Variants in FBN2 observed in about 807,000 individuals in gnomAD.
FBN2 encodes fibrillin-2.
Under a neutral mutation model 355.6 loss-of-function variants are expected in FBN2, and 105 were observed. The ratio of observed to expected loss-of-function variants is 0.30; its 90% CI spans 0.25 to 0.35. FBN2 has a LOEUF of 0.35. Among genes scored for constraint, FBN2 ranks in the 10% least tolerant of loss-of-function variants. The pLI is 1.00. For missense variants in FBN2, 3,280 were observed against 3,758.7 expected (o/e 0.87, Z 3.33); for synonymous variants, 1,350 against 1,301.2 (o/e 1.04, Z -0.81).
At chr5:128,335,336 C>CT in intron 29 of FBN2, 41 bp from the exon 30 acceptor site, 1 of 1,613,486 alleles carries the variant, frequency 6.2e-7, no homozygotes, top group Non-Finnish European at 8.5e-7. Context: ...ATAAAAATGT[C>CT]GTTCATCAAT....
chr5:128,367,206 G>A (rs1208027277), intron 16 of FBN2, among the ~76,000 whole-genome samples: 1 of 152,072 alleles, frequency 6.6e-6, no homozygotes, highest in Non-Finnish European at 1.5e-5. Context: ...GTTTTAGATA[G>A]TTCTTCCCCT....
At position 128,408,525 on chromosome 5, in the gene FBN2, C is replaced by T. The variant is rs955092193; in HGVS notation, c.1078+149G>A. Reference sequence around the variant, plus strand: ...TCTTTGCAAAGAGTACCTGGTCTATCAATCCCTCAATACTGGTACCGTTTA... The same window carrying T: ...TCTTTGCAAAGAGTACCTGGTCTATTAATCCCTCAATACTGGTACCGTTTA... On this transcript the variant is annotated intron_variant, in intron 8 of 64. Coordinates refer to ENST00000262464, the MANE Select transcript of FBN2 (RefSeq NM_001999.4). 34 of 923,576 alleles carry T rather than the reference C, an allele frequency of 3.7e-5. 1 individual carries two copies. The highest frequency in any genetic ancestry group is 1.8e-4 in the Admixed American group (9 of 50,248). 57.2% of individuals were successfully genotyped at this position (923,576 alleles called of 1,614,324 possible). A position where few individuals can be genotyped will look rare whatever the true frequency, so the allele number is the denominator to read the frequency against.
At chr5:128,387,430 T>C (rs1491001844) in intron 11 of FBN2, among the ~76,000 whole-genome samples, 1 of 152,164 alleles carries the variant, frequency 6.6e-6, no homozygotes, top group Non-Finnish European at 1.5e-5. Context: ...GTTTCGTTGA[T>C]GTTTTGAATG....
intron 5 of FBN2, among the ~76,000 whole-genome samples, chr5:128,514,113 C>T (rs1225273576): frequency 6.6e-6 from 1 of 151,994 alleles, no homozygotes; most frequent in African/African-American, 2.4e-5. Context: ...TTGTAATTTT[C>T]ATTCTACTAA....
At chr5:128,471,085 C>T (rs532877839) in intron 5 of FBN2, among the ~76,000 whole-genome samples, 2 of 152,158 alleles carry the variant, frequency 1.3e-5, no homozygotes, top group South Asian at 4.1e-4. Context: ...TATTTATGTT[C>T]TCAGTAACTA....
At chr5:128,402,392 A>G (rs996248322) in intron 8 of FBN2, among the ~76,000 whole-genome samples, 1 of 152,154 alleles carries the variant, frequency 6.6e-6, no homozygotes, top group Non-Finnish European at 1.5e-5. Context: ...CATTTCCTGA[A>G]CAAGGCTTAC....
At chr5:128,278,481 T>C (rs1765451112) in intron 57 of FBN2, among the ~76,000 whole-genome samples, 154 bp downstream of exon 57, 1 of 152,228 alleles carries the variant, frequency 6.6e-6, no homozygotes, top group African/African-American at 2.4e-5. Flanking sequence ...TCTATATACA[T>C]ATATATGAAA....
At chr5:128,455,813 C>T (rs1754367595) in intron 6 of FBN2, among the ~76,000 whole-genome samples, 1 of 151,646 alleles carries the variant, frequency 6.6e-6, no homozygotes, top group Non-Finnish European at 1.5e-5. Flanking sequence ...GAGGATCCCA[C>T]TCTCAAACCC....
chr5:128,503,087 C>T (rs1294740173), intron 5 of FBN2, among the ~76,000 whole-genome samples: 3 of 152,134 alleles, frequency 2.0e-5, no homozygotes, highest in East Asian at 1.9e-4. Context: ...ACAGTTTCCC[C>T]CATACTGTTC....
intron 25 of FBN2, among the ~76,000 whole-genome samples, chr5:128,340,943 T>C (rs144354580): frequency 3.7e-4 from 57 of 152,170 alleles, no homozygotes; most frequent in African/African-American, 1.3e-3. Flanking sequence ...AGATACAGAA[T>C]AGAGAGGCAA....
chr5:128,369,419 GC>G, intron 15 of FBN2, 85 bp from the exon 16 acceptor site: 1 of 1,374,376 alleles, frequency 7.3e-7, no homozygotes, highest in Non-Finnish European at 1.0e-6. Context: ...AACCTAAGTG[GC>G]CACTAGACTG....
chr5:128,429,749 T>C (rs1046523606), intron 7 of FBN2, among the ~76,000 whole-genome samples: 1 of 152,196 alleles, frequency 6.6e-6, no homozygotes, highest in African/African-American at 2.4e-5. Context: ...ATTTCTTCTA[T>C]CATAGTAAAT....
chr5:128,393,441 T>C lies in FBN2; in HGVS notation c.1232-73A>G, dbSNP rs1354560167. On this transcript the variant is annotated intron_variant, in intron 9 of 64. Coordinates refer to ENST00000262464, the MANE Select transcript of FBN2 (RefSeq NM_001999.4). ...CATAACAAAAGCCATTGGTACACTG[T>C]ACTAAGTCACTTTGGGTTACCTATA... The C allele has an allele frequency of 2.3e-6, 3 of 1,303,810 alleles. No homozygotes were observed. The African/African-American group carries it at 4.4e-5, about 19-fold the overall frequency. 80.8% of individuals were successfully genotyped at this position (1,303,810 alleles called of 1,614,324 possible). A position where few individuals can be genotyped will look rare whatever the true frequency, so the allele number is the denominator to read the frequency against.
rs1427976766 is a variant in FBN2 at position 128,536,408 on chromosome 5, T to G, written c.331A>C (p.Ile111Leu). 1.2e-6 allele frequency: 2 copies of G among 1,613,772 alleles called. No individual in the cohort carries two copies. Among genetic ancestry groups the G allele is most frequent in the Admixed American group, 1.7e-5 (1 of 59,994 alleles). The change falls in exon 2 of 65, where the codon ATT becomes CTT. Residue 111 changes from isoleucine to leucine, a missense_variant. Coordinates refer to ENST00000262464, the MANE Select transcript of FBN2 (RefSeq NM_001999.4). ...ATCCCTGCCAAGCACTCACGGACAA[T>G]GCACTGGTTTCCTCCAGGGAGCGTC... ...WKTLPGGNQC[I>L]VPICRNSCGD... is the part of the protein sequence containing the mutation.
chr5:128,488,475 T>C (rs560129500), intron 5 of FBN2, among the ~76,000 whole-genome samples: 1 of 152,154 alleles, frequency 6.6e-6, no homozygotes, highest in Non-Finnish European at 1.5e-5. Flanking sequence ...TTTCTGTGCT[T>C]CTTTGATTTT....
chr5:128,426,677 T>A (rs1753490568), intron 7 of FBN2, among the ~76,000 whole-genome samples: 1 of 152,156 alleles, frequency 6.6e-6, no homozygotes, highest in African/African-American at 2.4e-5. Flanking sequence ...AGGGTGAGCA[T>A]CCCCCAGGCT....
intron 18 of FBN2, among the ~76,000 whole-genome samples, chr5:128,362,699 AG>A (rs1198198257): frequency 6.6e-6 from 1 of 152,162 alleles, no homozygotes; most frequent in Non-Finnish European, 1.5e-5. Flanking sequence ...TTCTGGCCTC[AG>A]GTGATTCTCG....
At chr5:128,448,538 C>G (rs1187470080) in intron 6 of FBN2, among the ~76,000 whole-genome samples, 1 of 151,984 alleles carries the variant, frequency 6.6e-6, no homozygotes, top group Non-Finnish European at 1.5e-5. Flanking sequence ...ATCTCCTGAC[C>G]TCAGATGATC....
intron 5 of FBN2, among the ~76,000 whole-genome samples, chr5:128,500,432 T>C (rs1284308188): frequency 2.0e-4 from 11 of 53,908 alleles, no homozygotes; most frequent in Admixed American, 1.6e-3. Context: ...TGACAATTCT[T>C]TTTTTTTTTT....
Sources: gnomAD v4.1 joint callset for allele counts (sites outside exome capture counted in the v4.1 genomes callset) on GRCh38, gnomAD v4.1.1 for gene constraint, MANE v1.5 for transcripts, NCBI Gene and HGNC (gene_info 2026-07-23, HGNC 2026-07-21) for gene names.